The following CNTN5 variants were observed in gnomAD, a reference collection of about 807,000 sequenced individuals.
The protein encoded by CNTN5 is contactin 5.
CNTN5 carries 77 observed loss-of-function variants against 129.1 expected under a neutral mutation model. That is an observed-to-expected ratio of 0.60 (90% CI 0.50 to 0.72). The LOEUF is 0.72. Among genes scored for constraint, CNTN5 ranks in the 30% least tolerant of loss-of-function variants. The pLI is 0.00. For missense variants in CNTN5, 1,478 were observed against 1,328.8 expected, an observed-to-expected ratio of 1.11 and a Z score of -1.75; for synonymous variants, 509 against 465.6, an observed-to-expected ratio of 1.09 and a Z score of -1.20.
chr11:99,685,226 G>T (rs188168841), intron 3 of CNTN5, among the ~76,000 whole-genome samples: 1 of 151,168 alleles, frequency 6.6e-6, no homozygotes, highest in African/African-American at 2.4e-5. Context: ...TTGCTTTAAG[G>T]CTTTGATTTA....
intron 3 of CNTN5, among the ~76,000 whole-genome samples, chr11:99,677,918 G>T (rs772580554): frequency 6.6e-6 from 1 of 151,882 alleles, no homozygotes; most frequent in East Asian, 1.9e-4. Context: ...TACCGCTTTT[G>T]CCCTTTTTAT....
intron 2 of CNTN5, among the ~76,000 whole-genome samples, chr11:99,525,084 C>G (rs1947434110): frequency 6.6e-6 from 1 of 152,014 alleles, no homozygotes; most frequent in Non-Finnish European, 1.5e-5. Context: ...AGATACAGTA[C>G]ACATTGTCAT....
At chr11:99,287,249 A>C (rs924727910) in intron 1 of CNTN5, among the ~76,000 whole-genome samples, 1 of 152,184 alleles carries the variant, frequency 6.6e-6, no homozygotes. Context: ...ATTAGGAAAT[A>C]CATTTTATTT....
intron 3 of CNTN5, among the ~76,000 whole-genome samples, chr11:99,613,514 C>T (rs151303007): frequency 6.6e-6 from 1 of 151,962 alleles, no homozygotes; most frequent in African/African-American, 2.4e-5. Context: ...TAGACTTATA[C>T]AAAGGACATA....
At chr11:100,040,472 G>C (rs895029545) in intron 9 of CNTN5, among the ~76,000 whole-genome samples, 7 of 152,184 alleles carry the variant, frequency 4.6e-5, no homozygotes, top group African/African-American at 1.7e-4. Flanking sequence ...TGCGTGCTGG[G>C]AGAAGCACTG....
intron 1 of CNTN5, among the ~76,000 whole-genome samples, chr11:99,177,681 T>G (rs1448390245): frequency 7.9e-5 from 12 of 152,160 alleles, no homozygotes. Context: ...CTGGAATGTG[T>G]AGCCTATACA....
At chr11:99,599,599 T>C (rs1362222783) in intron 3 of CNTN5, among the ~76,000 whole-genome samples, 1 of 152,176 alleles carries the variant, frequency 6.6e-6, no homozygotes, top group Non-Finnish European at 1.5e-5. Context: ...TAATTATATG[T>C]AAAACATTTT....
At chr11:99,043,217 A>G (rs1317585386) in intron 1 of CNTN5, among the ~76,000 whole-genome samples, 1 of 152,146 alleles carries the variant, frequency 6.6e-6, no homozygotes, top group East Asian at 1.9e-4. Flanking sequence ...TCATTAGTTT[A>G]TCATATTAGA....
intron 2 of CNTN5, among the ~76,000 whole-genome samples, chr11:99,534,975 A>G (rs142828140): frequency 1.3e-5 from 2 of 152,228 alleles, no homozygotes; most frequent in East Asian, 3.9e-4. Context: ...AGTGGACTGG[A>G]GTGGAATGAA....
intron 9 of CNTN5, among the ~76,000 whole-genome samples, chr11:100,031,686 T>C (rs899974148): frequency 6.6e-6 from 1 of 152,240 alleles, no homozygotes; most frequent in African/African-American, 2.4e-5. Flanking sequence ...TCATAGGTTA[T>C]GGAAAGACTG....
rs375951220 is a variant in CNTN5 at position 99,489,269 on chromosome 11, T to C, written c.-70-66876T>C. Among the ~76,000 whole-genome samples, 31 of 152,264 alleles carry C rather than the reference T, an allele frequency of 2.0e-4. No individual in the cohort carries two copies. In the South Asian group the frequency reaches 6.2e-3, roughly 31 times the overall value. ...TAGTTTAAGTGGCATTCAGGTGAGT[T>C]TGCATTACTCTAGAGAGTCATGTAA... On this transcript the variant is annotated intron_variant, in intron 2 of 24. Coordinates refer to ENST00000524871, the MANE Select transcript of CNTN5 (RefSeq NM_014361.4).
chr11:100,264,170 C>T (rs1950255993), intron 17 of CNTN5, among the ~76,000 whole-genome samples: 1 of 152,072 alleles, frequency 6.6e-6, no homozygotes, highest in Admixed American at 6.6e-5. Context: ...GAAGTCCCTA[C>T]TGTAAAGTTG....
chr11:99,848,817 G>C (rs892602350), intron 6 of CNTN5, among the ~76,000 whole-genome samples: 1 of 152,072 alleles, frequency 6.6e-6, no homozygotes, highest in Non-Finnish European at 1.5e-5. Flanking sequence ...CATGAAGGAG[G>C]ACTGTATTAC....
chr11:99,602,264 T>A (rs1394954317), intron 3 of CNTN5, among the ~76,000 whole-genome samples: 2 of 152,154 alleles, frequency 1.3e-5, no homozygotes, highest in Non-Finnish European at 2.9e-5. Context: ...GTTTCTATCT[T>A]GATTATTTAC....
intron 3 of CNTN5, among the ~76,000 whole-genome samples, chr11:99,593,298 A>G (rs757880377): frequency 2.0e-5 from 3 of 152,126 alleles, no homozygotes; most frequent in Non-Finnish European, 4.4e-5. Flanking sequence ...ATAAAAATAA[A>G]TAAATAACAA....
At chr11:99,188,153 C>A (rs960373149) in intron 1 of CNTN5, among the ~76,000 whole-genome samples, 1 of 151,734 alleles carries the variant, frequency 6.6e-6, no homozygotes, top group Non-Finnish European at 1.5e-5. Flanking sequence ...ATCATACAGG[C>A]ATATGACAGT....
intron 1 of CNTN5, among the ~76,000 whole-genome samples, chr11:99,096,691 A>G (rs950800017): frequency 1.8e-4 from 28 of 151,818 alleles, no homozygotes; most frequent in African/African-American, 6.5e-4. Flanking sequence ...TACTGGGAGT[A>G]GGCTATTATT....
chr11:99,912,378 G>C (rs1169859488), intron 6 of CNTN5, among the ~76,000 whole-genome samples: 1 of 151,932 alleles, frequency 6.6e-6, no homozygotes, highest in Non-Finnish European at 1.5e-5. Flanking sequence ...TACCTATTTG[G>C]TGACCCAGAC....
chr11:99,431,127 C>A (rs933219805), intron 2 of CNTN5, among the ~76,000 whole-genome samples: 1 of 151,670 alleles, frequency 6.6e-6, no homozygotes, highest in Non-Finnish European at 1.5e-5. Flanking sequence ...TTGGTCAAAT[C>A]TGATGGGAGA....
Sources: allele counts gnomAD v4.1 joint callset (sites outside exome capture counted in the v4.1 genomes callset), GRCh38; gene constraint gnomAD v4.1.1; transcripts MANE v1.5; gene names NCBI Gene and HGNC (gene_info 2026-07-23, HGNC 2026-07-21).